Variants in GMDS observed in about 807,000 individuals in gnomAD.
The protein encoded by GMDS is GDP-mannose 4,6 dehydratase.
GMDS carries 20 observed loss-of-function variants against 49.9 expected under a neutral mutation model. The ratio of observed to expected loss-of-function variants is 0.40; its 90% CI spans 0.28 to 0.58. GMDS has a LOEUF of 0.58. GMDS is among the 20% of genes least tolerant of loss of function. The probability of loss-of-function intolerance (pLI) is 0.42; values close to 1 mark genes in which losing one functional copy is unlikely to be tolerated. For synonymous variants in GMDS, 177 were observed against 178.6 expected (o/e 0.99, Z 0.07); for missense variants, 362 against 481.4 (o/e 0.75, Z 2.32).
At chr6:2,021,774 T>C (rs998219356) in intron 4 of GMDS, among the ~76,000 whole-genome samples, 8 of 152,122 alleles carry the variant, frequency 5.3e-5, no homozygotes, top group Non-Finnish European at 8.8e-5. Flanking sequence ...CCACACACCC[T>C]GCACTCCTGG....
chr6:1,814,462 C>T (rs760055445), intron 7 of GMDS, among the ~76,000 whole-genome samples: 6 of 151,842 alleles, frequency 4.0e-5, no homozygotes, highest in African/African-American at 7.3e-5. Context: ...GCCTTTGGAA[C>T]CCTCAGGACC....
chr6:2,140,565 T>A (rs1223132154), intron 1 of GMDS, among the ~76,000 whole-genome samples: 1 of 152,156 alleles, frequency 6.6e-6, no homozygotes, highest in African/African-American at 2.4e-5. Context: ...TAGCAAGCAG[T>A]CGTTCCCAGT....
chr6:2,147,886 C>T (rs1776646462), intron 1 of GMDS, among the ~76,000 whole-genome samples: 1 of 150,084 alleles, frequency 6.7e-6, no homozygotes, highest in South Asian at 2.1e-4. Context: ...AAAGTAGTTG[C>T]ATTTTATGCA....
At chr6:1,667,168 T>C (rs974063280) in intron 9 of GMDS, among the ~76,000 whole-genome samples, 25 of 152,336 alleles carry the variant, frequency 1.6e-4, no homozygotes, top group African/African-American at 5.8e-4. Context: ...TGTTAAGCAA[T>C]CTGCGAGATG....
chr6:2,189,208 G>A (rs925621082), intron 1 of GMDS, among the ~76,000 whole-genome samples: 11 of 152,248 alleles, frequency 7.2e-5, no homozygotes, highest in Middle Eastern at 6.8e-3. Flanking sequence ...AAAAAAGGGA[G>A]CAGAAAACTG....
In GMDS at chr6:1,640,188, C is replaced by G. The variant is rs571583915; in HGVS notation, c.988-15648G>C. Among the ~76,000 whole-genome samples, 12 of 152,198 alleles carry G rather than the reference C, an allele frequency of 7.9e-5. No homozygotes were observed. The highest frequency in any genetic ancestry group is 1.9e-4 in the East Asian group (1 of 5,188). ...GCAGCACTGTTGCCCAAGGCTCCCC[C>G]ACATCACTCTTCAGTTCTAGCAATC... On this transcript the variant is annotated intron_variant, in intron 9 of 10. Coordinates refer to ENST00000380815, the MANE Select transcript of GMDS (RefSeq NM_001500.4). This position sits in a 1 kb window ranked among gnomAD's most constrained non-coding sequence, Gnocchi z 4.0.
intron 8 of GMDS, among the ~76,000 whole-genome samples, chr6:1,738,799 C>T (rs1408800624): frequency 6.6e-6 from 1 of 152,254 alleles, no homozygotes. Flanking sequence ...AATCGCTCCT[C>T]TCCCTCTCCA....
chr6:1,944,890 G>A (rs1405889667), intron 6 of GMDS, among the ~76,000 whole-genome samples: 2 of 152,128 alleles, frequency 1.3e-5, no homozygotes, highest in Admixed American at 6.5e-5. Context: ...TCTAATGACA[G>A]TTTCTGTTAT....
intron 7 of GMDS, among the ~76,000 whole-genome samples, chr6:1,751,906 ATAACTCCAC>A (rs1767748544): frequency 6.6e-6 from 1 of 152,238 alleles, no homozygotes; most frequent in Non-Finnish European, 1.5e-5. Flanking sequence ...TCAAAGGTAG[ATAACTCCAC>A]AAAGATGAGG....
intron 4 of GMDS, among the ~76,000 whole-genome samples, chr6:2,089,566 G>C (rs1032512802): frequency 3.3e-5 from 5 of 152,170 alleles, no homozygotes; most frequent in Non-Finnish European, 7.3e-5. Flanking sequence ...AAAAGGAGAT[G>C]TAAGAGGAGA....
intron 4 of GMDS, among the ~76,000 whole-genome samples, chr6:2,063,943 A>C (rs1771351459): frequency 6.6e-6 from 1 of 152,244 alleles, no homozygotes; most frequent in Admixed American, 6.5e-5. Flanking sequence ...ACTGCTAGTC[A>C]AAAATAGTCA....
chr6:1,767,640 C>T (rs748115977), intron 7 of GMDS, among the ~76,000 whole-genome samples: 2 of 152,106 alleles, frequency 1.3e-5, no homozygotes, highest in Non-Finnish European at 2.9e-5. Context: ...CTCTGGCAGC[C>T]GAGTCTGGAG....
At chr6:1,750,903 T>A (rs6935905) in intron 7 of GMDS, among the ~76,000 whole-genome samples, 85,898 of 151,932 alleles carry the variant, frequency 0.57, 24,950 homozygotes, top group African/African-American at 0.69. Context: ...GGGTCGCCAT[T>A]ACTGAGGCTT....
chr6:2,062,004 T>C (rs1212815560), intron 4 of GMDS, among the ~76,000 whole-genome samples: 1 of 152,206 alleles, frequency 6.6e-6, no homozygotes, highest in Admixed American at 6.5e-5. Flanking sequence ...CTGGATTATA[T>C]CCTAGTGCTA....
At chr6:2,031,682 T>C (rs112318504) in intron 4 of GMDS, among the ~76,000 whole-genome samples, 13 of 151,908 alleles carry the variant, frequency 8.6e-5, no homozygotes, top group African/African-American at 2.7e-4. Flanking sequence ...AAAACAGAGG[T>C]AGGAAATCTG....
At chr6:1,750,084 G>C (rs1032994861) in intron 7 of GMDS, among the ~76,000 whole-genome samples, 2 of 152,092 alleles carry the variant, frequency 1.3e-5, no homozygotes, top group African/African-American at 4.8e-5. Context: ...TCCTGCCTTG[G>C]CCTCCCAAAG....
intron 7 of GMDS, among the ~76,000 whole-genome samples, chr6:1,790,742 G>C (rs114693188): frequency 1.3e-5 from 2 of 152,150 alleles, no homozygotes; most frequent in African/African-American, 4.8e-5. Flanking sequence ...GTGGTCTTCA[G>C]TGAATGCCAG....
intron 7 of GMDS, among the ~76,000 whole-genome samples, chr6:1,860,620 T>G (rs1050493295): frequency 5.9e-5 from 9 of 152,190 alleles, no homozygotes; most frequent in Non-Finnish European, 1.0e-4. Flanking sequence ...GTATATAAGT[T>G]ACACCTCAAT....
intron 7 of GMDS, among the ~76,000 whole-genome samples, chr6:1,790,139 C>T (rs1265080938): frequency 2.0e-5 from 3 of 152,188 alleles, no homozygotes; most frequent in Non-Finnish European, 4.4e-5. Flanking sequence ...TGTCAACAAT[C>T]TTATCAATCC....
Sources: allele counts gnomAD v4.1 joint callset (sites outside exome capture counted in the v4.1 genomes callset), GRCh38; gene constraint gnomAD v4.1.1; non-coding constraint Gnocchi (gnomAD v3.1); transcripts MANE v1.5; gene names NCBI Gene and HGNC (gene_info 2026-07-23, HGNC 2026-07-21).